Variants in COL6A5 observed in about 807,000 individuals in gnomAD.
COL6A5 encodes the protein collagen alpha-5(VI) chain.
COL6A5 carries 48 observed loss-of-function variants against 65.6 expected under a neutral mutation model. The ratio of observed to expected loss-of-function variants is 0.73; its 90% CI spans 0.58 to 0.93. The LOEUF (loss-of-function observed/expected upper bound fraction) is 0.93. COL6A5 is among the 40% of genes least tolerant of loss of function. The pLI is 0.00. For synonymous variants in COL6A5, 291 were observed against 322.8 expected (o/e 0.90, Z 1.05); for missense variants, 914 against 928.3 (o/e 0.98, Z 0.20).
At chr3:130,405,135 T>G (rs925138348) in intron 13 of COL6A5, among the ~76,000 whole-genome samples, 2 of 152,214 alleles carry the variant, frequency 1.3e-5, no homozygotes. Flanking sequence ...CACCTTTGCT[T>G]TCTCATTCTC....
At chr3:130,374,716 A>AGGG (rs1935700502) in intron 2 of COL6A5, among the ~76,000 whole-genome samples, 1 of 152,150 alleles carries the variant, frequency 6.6e-6, no homozygotes, top group Non-Finnish European at 1.5e-5. Flanking sequence ...GGCCTTCCAA[A>AGGG]GTGCTGGGAT....
At chr3:130,397,108 C>A (rs2003948) in intron 8 of COL6A5, among the ~76,000 whole-genome samples, 22,669 of 152,032 alleles carry the variant, frequency 0.15, 1,880 homozygotes, top group South Asian at 0.28. Context: ...ACCTCATGAT[C>A]CACCTGCCTC....
rs558128400 is a variant in COL6A5, at chr3:130,388,756, T to G, written c.2038T>G (p.Phe680Val). Residue 680 changes from phenylalanine to valine, a missense_variant and NMD_transcript_variant, in exon 6 of 42, where the codon TTC becomes GTC. Coordinates refer to the COL6A5 transcript ENST00000312481. ...GTTCAGTGATAAAACTAAGGAAGAG[T>G]TCCAGCTTAATAGATATTTTACACA... is the stretch of plus-strand genomic sequence containing the variant. The G allele has an allele frequency of 2.7e-4, 423 of 1,550,934 alleles. 4 individuals are homozygous for G. In the South Asian group the frequency reaches 3.6e-3, roughly 13 times the overall value.
chr3:130,397,951 C>T (rs1167007353), intron 9 of COL6A5, 28 bp downstream of exon 9: 4 of 1,543,826 alleles, frequency 2.6e-6, no homozygotes, highest in Admixed American at 2.0e-5. Flanking sequence ...TATCTCCCAT[C>T]TCCACATTCT....
chr3:130,439,564 A>C lies in COL6A5; in HGVS notation c.532A>C (p.Asn178His), dbSNP rs1198220405. The change falls in exon 2 of 8, where the codon AAT (asparagine) becomes CAT (histidine). Residue 178 changes from asparagine (N) to histidine (H), a missense_variant. Asn to His is a moderately conservative substitution (Grantham distance 68). Coordinates refer to ENST00000512836, the Ensembl canonical transcript of COL6A5. Reference sequence around the variant, plus strand: ...ATTTCAGGTGATTCCAGTTCCTCCAAATGGGGAAAATCAAACATTAGAAAG... The same window carrying C: ...ATTTCAGGTGATTCCAGTTCCTCCACATGGGGAAAATCAAACATTAGAAAG... 6 of 1,551,302 alleles carry C rather than the reference A, an allele frequency of 3.9e-6. No individual in the cohort carries two copies. Among genetic ancestry groups the C allele is most frequent in the African/African-American group, 2.7e-5 (2 of 73,138 alleles).
chr3:130,471,721 T>A (rs1046322095), intron 7 of COL6A5: 2 of 1,534,576 alleles, frequency 1.3e-6, no homozygotes, highest in African/African-American at 2.7e-5. Flanking sequence ...CAGAAAATGG[T>A]GATCTGTTTG....
At chr3:130,457,220 G>GA (rs1173066041) in intron 5 of COL6A5, among the ~76,000 whole-genome samples, 1 of 151,952 alleles carries the variant, frequency 6.6e-6, no homozygotes, top group Admixed American at 6.6e-5. Flanking sequence ...TTAAAAAGGG[G>GA]AAAAAAGAGA....
chr3:130,449,488 C>G (rs528692442), intron 4 of COL6A5, among the ~76,000 whole-genome samples: 11 of 152,226 alleles, frequency 7.2e-5, no homozygotes, highest in African/African-American at 2.6e-4. Context: ...CAGTGCAAGG[C>G]AAGATAAATG....
intron 2 of COL6A5, among the ~76,000 whole-genome samples, chr3:130,375,066 T>C (rs983720591): frequency 5.3e-5 from 8 of 152,168 alleles, no homozygotes; most frequent in African/African-American, 1.9e-4. Flanking sequence ...CATTACTAAT[T>C]TCAGGAGCAG....
chr3:130,415,667 G>C (rs1194808151), exon 23 of COL6A5: 1 of 1,548,852 alleles, frequency 6.5e-7, no homozygotes, highest in South Asian at 1.2e-5. Flanking sequence ...AATCCTGGCA[G>C]AAAAGGAGAA....
At chr3:130,473,791 C>T (rs1274394108) in intron 7 of COL6A5, among the ~76,000 whole-genome samples, 2 of 152,102 alleles carry the variant, frequency 1.3e-5, no homozygotes, top group African/African-American at 2.4e-5. Flanking sequence ...GTTACCTCCT[C>T]CTCCCTGCTC....
chr3:130,431,237 A>G (rs1322617478), upstream of COL6A5: 1 of 688,226 alleles, frequency 1.5e-6, no homozygotes, highest in Admixed American at 2.0e-5. Context: ...TGGGCTGTGA[A>G]GTCTGAGCAT....
chr3:130,393,694 T>C (rs1306062425), intron 7 of COL6A5, among the ~76,000 whole-genome samples: 9 of 152,146 alleles, frequency 5.9e-5, no homozygotes, highest in Non-Finnish European at 5.9e-5. Context: ...ATAACTCAAA[T>C]AGTGACATAG....
chr3:130,445,727 CCTA>C (rs1559908024), intron 4 of COL6A5, among the ~76,000 whole-genome samples: 1 of 152,074 alleles, frequency 6.6e-6, no homozygotes, highest in Non-Finnish European at 1.5e-5. Context: ...AGCTGAACCT[CCTA>C]TGCAAAGCAG....
chr3:130,385,310 G>A lies in COL6A5; in HGVS notation c.1807G>A (p.Asp603Asn), dbSNP rs149308947. ...AAGGGTTAGCTTTGGGCAGAACTTTGATGCTTTGAAAAGCATAAAAAATGA... is the reference window on the plus strand; with the variant it reads ...AAGGGTTAGCTTTGGGCAGAACTTTAATGCTTTGAAAAGCATAAAAAATGA... Residue 603 changes from aspartate (D) to asparagine (N), a missense_variant and NMD_transcript_variant, in exon 5 of 42, where the codon GAT becomes AAT. Asp to Asn is a conservative substitution (Grantham distance 23). Coordinates refer to the COL6A5 transcript ENST00000312481. 8.0e-4 allele frequency: 1,239 copies of A among 1,550,898 alleles called. 1 individual carries two copies. The highest frequency in any genetic ancestry group is 9.0e-4 in the Non-Finnish European group (1,029 of 1,146,454).
intron 10 of COL6A5, among the ~76,000 whole-genome samples, chr3:130,399,447 T>A (rs1014686886): frequency 2.6e-5 from 4 of 150,952 alleles, no homozygotes; most frequent in African/African-American, 9.8e-5. Flanking sequence ...CTTGGCTCAC[T>A]GCAAACTCCG....
upstream of COL6A5, among the ~76,000 whole-genome samples, chr3:130,430,365 C>T (rs969507124): frequency 1.3e-5 from 2 of 152,078 alleles, no homozygotes; most frequent in Non-Finnish European, 2.9e-5. Flanking sequence ...TGATTCAAAA[C>T]ACTTCTCTAA....
intron 1 of COL6A5, among the ~76,000 whole-genome samples, chr3:130,369,893 G>A (rs942012392): frequency 6.6e-6 from 1 of 152,094 alleles, no homozygotes; most frequent in Non-Finnish European, 1.5e-5. Context: ...GTGGGCTTGG[G>A]GTGCCCTTCC....
intron 5 of COL6A5, 48 bp from the exon 38 acceptor site, chr3:130,468,747 A>G: frequency 7.2e-7 from 1 of 1,389,040 alleles, no homozygotes. Context: ...TAGGAGCTCC[A>G]AGCTTATCTT....
Sources: allele counts gnomAD v4.1 joint callset (sites outside exome capture counted in the v4.1 genomes callset), GRCh38; gene constraint gnomAD v4.1.1; transcripts MANE v1.5; gene names NCBI Gene and HGNC (gene_info 2026-07-23, HGNC 2026-07-21).